The following MYT1L variants were observed in gnomAD, a reference collection of about 807,000 sequenced individuals.
The protein encoded by MYT1L is myelin transcription factor 1-like protein.
MYT1L carries 12 observed loss-of-function variants against 126.7 expected under a neutral mutation model. That is an observed-to-expected ratio of 0.09 (90% confidence interval 0.06 to 0.15). The LOEUF (loss-of-function observed/expected upper bound fraction) is 0.15. MYT1L is among the 10% of genes least tolerant of loss of function. The probability of loss-of-function intolerance (pLI) is 1.00; values close to 1 mark genes in which losing one functional copy is unlikely to be tolerated. For missense variants in MYT1L, 979 were observed against 1,585.2 expected, an observed-to-expected ratio of 0.62 and a Z score of 6.49; for synonymous variants, 541 against 604.2, an observed-to-expected ratio of 0.90 and a Z score of 1.53.
chr2:1,863,979 C>T (rs1275790949), intron 18 of MYT1L, among the ~76,000 whole-genome samples: 8 of 152,038 alleles, frequency 5.3e-5, no homozygotes, highest in Admixed American at 2.0e-4. Flanking sequence ...GCTCAAGGAC[C>T]GCTGGGGTCT....
At chr2:2,297,756 G>T (rs1003383908) in intron 1 of MYT1L, among the ~76,000 whole-genome samples, 10 of 152,124 alleles carry the variant, frequency 6.6e-5, no homozygotes, top group African/African-American at 2.4e-4. Context: ...CTCCCAGGGA[G>T]GGAGGACAGC....
intron 2 of MYT1L, among the ~76,000 whole-genome samples, chr2:2,208,767 CT>C (rs2093401336): frequency 6.6e-6 from 1 of 152,032 alleles, no homozygotes; most frequent in Admixed American, 6.6e-5. Flanking sequence ...TTTAATTTAT[CT>C]TGATACTTGC....
At chr2:2,287,250 C>T (rs1031527694) in intron 1 of MYT1L, among the ~76,000 whole-genome samples, 2 of 151,266 alleles carry the variant, frequency 1.3e-5, no homozygotes, top group South Asian at 2.1e-4. Context: ...AGCGAAACTC[C>T]GTCTGAAAAA....
At chr2:1,998,649 C>T (rs1469095730) in intron 4 of MYT1L, among the ~76,000 whole-genome samples, 3 of 152,106 alleles carry the variant, frequency 2.0e-5, no homozygotes, top group African/African-American at 7.2e-5. Context: ...CCTGATTAGT[C>T]CCTTGAAGGA....
chr2:2,261,493 C>A (rs1299831570), intron 2 of MYT1L, among the ~76,000 whole-genome samples: 5 of 152,200 alleles, frequency 3.3e-5, no homozygotes, highest in Admixed American at 6.5e-5. Flanking sequence ...GTCCTCCCCC[C>A]TGTTAGGTAG....
At chr2:2,180,429 G>C (rs2091293116) in intron 2 of MYT1L, among the ~76,000 whole-genome samples, 1 of 152,042 alleles carries the variant, frequency 6.6e-6, no homozygotes, top group South Asian at 2.1e-4. Flanking sequence ...ATTTGAATCA[G>C]TGGTGCTACC....
chr2:2,168,091 A>G (rs2089458399), intron 3 of MYT1L, among the ~76,000 whole-genome samples: 1 of 152,218 alleles, frequency 6.6e-6, no homozygotes, highest in African/African-American at 2.4e-5. Flanking sequence ...GAGAAACTCA[A>G]AAAAACAGGT....
At chr2:2,270,432 C>G (rs1010160160) in intron 2 of MYT1L, among the ~76,000 whole-genome samples, 1 of 152,128 alleles carries the variant, frequency 6.6e-6, no homozygotes, top group African/African-American at 2.4e-5. Flanking sequence ...CTTTGCAAAT[C>G]TATCTGTGAG....
chr2:2,248,571 TAAAG>T, intron 2 of MYT1L, among the ~76,000 whole-genome samples: 1 of 151,932 alleles, frequency 6.6e-6, no homozygotes, highest in Non-Finnish European at 1.5e-5. Flanking sequence ...ACACATCAAA[TAAAG>T]AAAAATACAG....
rs1320922221 is a variant in MYT1L, at chr2:1,943,458, A to C, written c.153-124T>G. The C allele has an allele frequency of 8.9e-7, 1 of 1,120,888 alleles. No individual in the cohort carries two copies. The highest frequency in any genetic ancestry group is 1.2e-6 in the Non-Finnish European group (1 of 816,138). 69.4% of individuals were successfully genotyped at this position (1,120,888 alleles called of 1,614,324 possible). On this transcript the variant is annotated intron_variant, in intron 8 of 24. Coordinates refer to ENST00000647738, the MANE Select transcript of MYT1L (RefSeq NM_001303052.2). The surrounding 1 kb of genome is among the most constrained non-coding windows in gnomAD (Gnocchi z 4.4). ...TTAAAGGCTTATCATGAATGTCATC[A>C]GCACAAACACCAGAGAGACATAACA...
In MYT1L at chr2:1,998,575, G is replaced by T. The variant is rs541574068; in HGVS notation, c.-157-1228C>A. 1.8e-4 allele frequency among the ~76,000 whole-genome samples: 28 copies of T among 152,208 alleles called. No individual in the cohort carries two copies. In the South Asian group the frequency reaches 5.4e-3, roughly 29 times the overall value. ...TTCGTCCATACACACAGTTAATAAG[G>T]GATGGAGCATGTATGTCTTGTCAAG... On this transcript the variant is annotated intron_variant, in intron 4 of 24. Coordinates refer to ENST00000647738, the MANE Select transcript of MYT1L (RefSeq NM_001303052.2).
chr2:2,222,644 A>G (rs895079947), intron 2 of MYT1L, among the ~76,000 whole-genome samples: 2 of 152,152 alleles, frequency 1.3e-5, no homozygotes, highest in East Asian at 1.9e-4. Flanking sequence ...TATTATCACA[A>G]TCCTAAAGAG....
At chr2:2,122,204 T>C (rs2081114536) in intron 3 of MYT1L, among the ~76,000 whole-genome samples, 1 of 152,220 alleles carries the variant, frequency 6.6e-6, no homozygotes, top group South Asian at 2.1e-4. Flanking sequence ...CCAGACTGTC[T>C]GGCTTGGAGT....
chr2:2,196,208 A>C, intron 2 of MYT1L, among the ~76,000 whole-genome samples: 1 of 152,100 alleles, frequency 6.6e-6, no homozygotes, highest in Non-Finnish European at 1.5e-5. Flanking sequence ...TGACAATGGG[A>C]TTCTATACTA....
At chr2:1,933,847 T>C (rs563582811) in intron 9 of MYT1L, among the ~76,000 whole-genome samples, 48 of 152,324 alleles carry the variant, frequency 3.2e-4, no homozygotes, top group Non-Finnish European at 6.0e-4. Context: ...ATTTTTAACA[T>C]TATTCAGTTG....
intron 8 of MYT1L, among the ~76,000 whole-genome samples, chr2:1,956,121 GTCTT>G (rs1171492192): frequency 4.6e-5 from 7 of 151,446 alleles, no homozygotes; most frequent in African/African-American, 9.7e-5. Flanking sequence ...TTATCTACAT[GTCTT>G]TCTACCTACC....
At chr2:1,956,107 T>TGTA (rs1221521907) in intron 8 of MYT1L, among the ~76,000 whole-genome samples, 1 of 152,294 alleles carries the variant, frequency 6.6e-6, no homozygotes, top group African/African-American at 2.4e-5. Context: ...TACCTACCTA[T>TGTA]GACTTATCTA....
At chr2:2,010,231 C>T (rs1407169682) in intron 4 of MYT1L, among the ~76,000 whole-genome samples, 9 of 152,134 alleles carry the variant, frequency 5.9e-5, no homozygotes, top group Admixed American at 1.3e-4. Flanking sequence ...GAAGGTGAGA[C>T]GTACAGGCAG....
intron 4 of MYT1L, among the ~76,000 whole-genome samples, chr2:2,005,323 C>G (rs187518339): frequency 6.9e-6 from 1 of 144,548 alleles, no homozygotes; most frequent in African/African-American, 2.6e-5. Flanking sequence ...TTCTTTCCTG[C>G]GTGCGTTCTT....
Sources: allele counts gnomAD v4.1 joint callset (sites outside exome capture counted in the v4.1 genomes callset), GRCh38; gene constraint gnomAD v4.1.1; non-coding constraint Gnocchi (gnomAD v3.1); transcripts MANE v1.5; gene names NCBI Gene and HGNC (gene_info 2026-07-23, HGNC 2026-07-21).